The following NT5E variants were observed in gnomAD, a reference collection of about 807,000 sequenced individuals.
NT5E encodes 5'-nucleotidase.
Under a neutral mutation model 55.1 loss-of-function variants are expected in NT5E, and 53 were observed. That is an observed-to-expected ratio of 0.96 (90% CI 0.77 to 1.21). The LOEUF is 1.21. NT5E is among the 50% of genes most tolerant of loss of function. The pLI, the probability that NT5E is intolerant of heterozygous loss-of-function variation, is 0.00. For missense variants in NT5E, 683 were observed against 724.3 expected, an observed-to-expected ratio of 0.94 and a Z score of 0.65; for synonymous variants, 270 against 278.4, an observed-to-expected ratio of 0.97 and a Z score of 0.30.
intron 3 of NT5E, among the ~76,000 whole-genome samples, chr6:85,482,574 C>T (rs1284896889): frequency 6.6e-6 from 1 of 152,186 alleles, no homozygotes; most frequent in African/African-American, 2.4e-5. Flanking sequence ...AGCACCCACA[C>T]CATGCTGGAA....
At chr6:85,456,562 T>C (rs1768995784) in intron 1 of NT5E, among the ~76,000 whole-genome samples, 1 of 152,106 alleles carries the variant, frequency 6.6e-6, no homozygotes. Flanking sequence ...CCACACAGAA[T>C]TGGGGAATTG....
In NT5E at chr6:85,450,621, GC is replaced by G; in HGVS notation, c.339+145del. ...GATAAAGTGAGACTCCGGCCAGTGT[GC>G]CAGCTGGATGCATAGAAGTCCCTTG... On this transcript the variant is annotated intron_variant, in intron 1 of 8. Coordinates refer to ENST00000257770, the MANE Select transcript of NT5E (RefSeq NM_002526.4). This position sits in a 1 kb window ranked among gnomAD's most constrained non-coding sequence, Gnocchi z 4.0. The G allele has an allele frequency of 2.6e-6, 2 of 783,242 alleles. No individual in the cohort carries two copies. Among genetic ancestry groups the G allele is most frequent in the Non-Finnish European group, 4.3e-6 (2 of 465,812 alleles). 48.5% of individuals were successfully genotyped at this position (783,242 alleles called of 1,614,324 possible).
In NT5E at chr6:85,450,490, G is replaced by C. The variant is rs1768833236; in HGVS notation, c.339+12G>C. 2 of 1,575,258 alleles carry C rather than the reference G, an allele frequency of 1.3e-6. No homozygotes were observed. The highest frequency in any genetic ancestry group is 2.3e-5 in the South Asian group (2 of 85,810). ...GCTACGATGCCATGGTAAGACCCGA[G>C]CCCGCGCCCGGGATAGTAGTCCCGG... On this transcript the variant is annotated intron_variant, in intron 1 of 8. Coordinates refer to ENST00000257770, the MANE Select transcript of NT5E (RefSeq NM_002526.4). This position sits in a 1 kb window ranked among gnomAD's most constrained non-coding sequence, Gnocchi z 4.0.
chr6:85,453,386 A>T (rs549215930), intron 1 of NT5E, among the ~76,000 whole-genome samples: 1 of 151,962 alleles, frequency 6.6e-6, no homozygotes, highest in African/African-American at 2.4e-5. Flanking sequence ...GGAGGAGGGG[A>T]ATTGTGAGGA....
intron 3 of NT5E, among the ~76,000 whole-genome samples, chr6:85,478,965 C>T (rs937314503): frequency 1.3e-5 from 2 of 152,062 alleles, no homozygotes; most frequent in Non-Finnish European, 2.9e-5. Flanking sequence ...TATTCCAACA[C>T]CAATTTCCCC....
intron 1 of NT5E, among the ~76,000 whole-genome samples, chr6:85,458,635 ATTC>A (rs1186439445): frequency 9.9e-5 from 15 of 152,216 alleles, no homozygotes; most frequent in Non-Finnish European, 2.2e-4. Flanking sequence ...GAATTTGAAC[ATTC>A]TTTTGACACT....
chr6:85,458,634 CA>C (rs1417505604), intron 1 of NT5E, among the ~76,000 whole-genome samples: 1 of 152,208 alleles, frequency 6.6e-6, no homozygotes, highest in Non-Finnish European at 1.5e-5. Context: ...GGAATTTGAA[CA>C]TTCTTTTGAC....
intron 1 of NT5E, among the ~76,000 whole-genome samples, chr6:85,453,809 C>T (rs759807996): frequency 5.3e-5 from 8 of 152,202 alleles, no homozygotes; most frequent in Admixed American, 4.6e-4. Context: ...ACCCAGGGGA[C>T]AGGTTAGTCA....
At chr6:85,480,487 G>T (rs1277509230) in intron 3 of NT5E, among the ~76,000 whole-genome samples, 1 of 152,198 alleles carries the variant, frequency 6.6e-6, no homozygotes, top group Non-Finnish European at 1.5e-5. Flanking sequence ...TTTTGAATGG[G>T]CTGTGATGAC....
At chr6:85,470,519 C>T (rs564677386) in intron 2 of NT5E, among the ~76,000 whole-genome samples, 4 of 152,136 alleles carry the variant, frequency 2.6e-5, no homozygotes, top group Non-Finnish European at 4.4e-5. Context: ...GGTATGGTCT[C>T]GGCTCATTGC....
chr6:85,493,658 T>C (rs1312386993), intron 8 of NT5E, among the ~76,000 whole-genome samples, 183 bp from the exon 9 acceptor site: 1 of 152,142 alleles, frequency 6.6e-6, no homozygotes, highest in East Asian at 1.9e-4. Context: ...CAGACACATT[T>C]TACATCTGGA....
intron 3 of NT5E, among the ~76,000 whole-genome samples, chr6:85,477,338 T>G (rs1472170386): frequency 1.4e-5 from 2 of 147,210 alleles, no homozygotes; most frequent in Non-Finnish European, 3.0e-5. Context: ...GATTGATCAG[T>G]TTTTTTTTTA....
chr6:85,450,732 G>C lies in NT5E; in HGVS notation c.339+254G>C. Among the ~76,000 whole-genome samples, 1 of 152,238 alleles carries C rather than the reference G, an allele frequency of 6.6e-6. No individual in the cohort carries two copies. Among genetic ancestry groups the C allele is most frequent in the South Asian group, 2.1e-4 (1 of 4,832 alleles). On this transcript the variant is annotated intron_variant, in intron 1 of 8. Transcript: ENST00000257770. This position sits in a 1 kb window ranked among gnomAD's most constrained non-coding sequence, Gnocchi z 4.0. ...GAGCAGGACCCAGTCCTGCCTGCGA[G>C]GGGCTTAAGGTGGGGTGCGTAGAAG...
chr6:85,452,356 G>GT (rs1768900850), intron 1 of NT5E, among the ~76,000 whole-genome samples: 1 of 152,122 alleles, frequency 6.6e-6, no homozygotes, highest in Non-Finnish European at 1.5e-5. Flanking sequence ...TTTCCCTCTT[G>GT]TAAGTCTAGT....
At position 85,485,288 on chromosome 6, in the gene NT5E, T is replaced by G. The variant is rs184831134; in HGVS notation, c.805T>G (p.Ser269Ala). 1.5e-5 allele frequency: 25 copies of G among 1,614,088 alleles called. No homozygotes were observed. Among genetic ancestry groups the G allele is most frequent in the Middle Eastern group, 1.6e-4 (1 of 6,084 alleles). Residue 269 changes from serine to alanine, a missense_variant, in exon 4 of 9, where the codon TCT becomes GCT. Coordinates refer to ENST00000257770, the MANE Select transcript of NT5E (RefSeq NM_002526.4). ...PAGKYPFIVT[S>A]DDGRKVPVVQ... ...TGGGAAGTACCCATTCATAGTCACT[T>G]CTGATGATGGGCGGAAGGTTCCTGT...
intron 3 of NT5E, among the ~76,000 whole-genome samples, chr6:85,480,426 G>A (rs1170996733): frequency 6.6e-6 from 1 of 152,170 alleles, no homozygotes; most frequent in Non-Finnish European, 1.5e-5. Flanking sequence ...TCATGGTTTG[G>A]TACAGAGATG....
intron 1 of NT5E, among the ~76,000 whole-genome samples, chr6:85,464,480 G>A (rs991475519): frequency 7.9e-5 from 12 of 152,110 alleles, no homozygotes; most frequent in African/African-American, 1.7e-4. Flanking sequence ...GCCTGGGAGG[G>A]AGCTACCCCT....
chr6:85,476,921 G>A (rs1414246967), intron 3 of NT5E, among the ~76,000 whole-genome samples: 3 of 152,162 alleles, frequency 2.0e-5, no homozygotes, highest in African/African-American at 7.2e-5. Flanking sequence ...GGGCCAGGGT[G>A]ATTTTGGAAA....
intron 1 of NT5E, among the ~76,000 whole-genome samples, chr6:85,466,358 A>G (rs906621878): frequency 1.9e-4 from 29 of 152,166 alleles, no homozygotes; most frequent in African/African-American, 2.4e-5. Context: ...AACCCGCTGA[A>G]GGTCACCTAA....
Sources: allele counts gnomAD v4.1 joint callset (sites outside exome capture counted in the v4.1 genomes callset), GRCh38; gene constraint gnomAD v4.1.1; non-coding constraint Gnocchi (gnomAD v3.1); transcripts MANE v1.5; gene names NCBI Gene and HGNC (gene_info 2026-07-23, HGNC 2026-07-21).